The following SCUBE1 variants were observed in gnomAD, a reference collection of about 807,000 sequenced individuals.
SCUBE1 encodes signal peptide, CUB and EGF-like domain-containing protein 1.
A neutral mutation model predicts 124.4 loss-of-function variants in SCUBE1; 59 were observed. The ratio of observed to expected loss-of-function variants is 0.47; its 90% CI spans 0.38 to 0.59. SCUBE1 has a LOEUF of 0.59. SCUBE1 is among the 20% of genes least tolerant of loss of function. SCUBE1 has a pLI of 0.00. For synonymous variants in SCUBE1, 545 were observed against 550.9 expected, an observed-to-expected ratio of 0.99 and a Z score of 0.15; for missense variants, 1,150 against 1,371.2, an observed-to-expected ratio of 0.84 and a Z score of 2.55.
At position 43,279,443 on chromosome 22, in the gene SCUBE1, C is replaced by A. The variant is rs546415554; in HGVS notation, c.484+11603G>T. On this transcript the variant is annotated intron_variant, in intron 4 of 21. Transcript: ENST00000360835. Reference sequence around the variant, plus strand: ...AAGCCCACCACAGAGTAAGCATGTGCTACGGTCTGCATGATTGTGTCCCCT... The same window carrying A: ...AAGCCCACCACAGAGTAAGCATGTGATACGGTCTGCATGATTGTGTCCCCT... Among the ~76,000 whole-genome samples the A allele has an allele frequency of 6.6e-5, 10 of 152,336 alleles. No homozygotes were observed. The South Asian group carries it at 2.1e-3, about 32-fold the overall frequency.
intron 3 of SCUBE1, among the ~76,000 whole-genome samples, chr22:43,303,710 T>C (rs1190607786): frequency 6.6e-6 from 1 of 152,270 alleles, no homozygotes; most frequent in Non-Finnish European, 1.5e-5. Context: ...CATGGCTTCC[T>C]ATCACTTGAC....
At chr22:43,220,397 C>T in intron 14 of SCUBE1, 53 bp downstream of exon 14, 1 of 1,587,758 alleles carries the variant, frequency 6.3e-7, no homozygotes, top group East Asian at 2.3e-5. Context: ...GCGCCACCAG[C>T]CTGTCGTCCT....
In SCUBE1 at chr22:43,218,411, G is replaced by A; in HGVS notation, c.1735C>T (p.Gln579Ter). The A allele has an allele frequency of 1.9e-6, 3 of 1,613,210 alleles. No homozygotes were observed. Among genetic ancestry groups the A allele is most frequent in the Non-Finnish European group, 2.5e-6 (3 of 1,180,044 alleles). The change falls in exon 15 of 22, where the codon CAG becomes TAG. Residue 579 changes from glutamine (Q) to a stop codon, truncating the protein, a stop_gained. Transcript: ENST00000360835. LOFTEE classifies it high-confidence loss of function. The stretch of plus-strand genomic sequence containing the variant: ...TTGCGCAGGGTCTTGATGGCGGCCT[G>A]CAGGCTCTGTTCTGCTCGCTTCCGC... Reference protein sequence around the residue: ...CLRKRAEQSLQAAIKTLRKSI... With the variant: ...CLRKRAEQSL
At chr22:43,216,117 G>C (rs925981105) in intron 15 of SCUBE1, among the ~76,000 whole-genome samples, 4 of 151,986 alleles carry the variant, frequency 2.6e-5, no homozygotes, top group African/African-American at 9.7e-5. Flanking sequence ...TGTGATCTCA[G>C]CTCACTGCAA....
intron 5 of SCUBE1, among the ~76,000 whole-genome samples, chr22:43,261,732 C>T (rs1470747268): frequency 6.6e-6 from 1 of 152,230 alleles, no homozygotes; most frequent in Non-Finnish European, 1.5e-5. Context: ...TTCTCCCTAG[C>T]ATTTTTCTGC....
intron 3 of SCUBE1, among the ~76,000 whole-genome samples, chr22:43,305,445 G>T (rs1471684337): frequency 6.6e-6 from 1 of 152,298 alleles, no homozygotes. Flanking sequence ...CCTCTGCCCG[G>T]GGGGCTGGGG....
At chr22:43,312,436 A>T (rs1418695036) in intron 3 of SCUBE1, among the ~76,000 whole-genome samples, 1 of 152,174 alleles carries the variant, frequency 6.6e-6, no homozygotes, top group Non-Finnish European at 1.5e-5. Flanking sequence ...CTCTGCGGGT[A>T]CAGGGAAGGC....
chr22:43,320,942 T>C (rs1328333414), intron 2 of SCUBE1, among the ~76,000 whole-genome samples: 1 of 152,118 alleles, frequency 6.6e-6, no homozygotes, highest in Non-Finnish European at 1.5e-5. Flanking sequence ...CAGCGAGAAT[T>C]TGCCAGCCTG....
At chr22:43,273,649 T>C (rs1210515817) in intron 4 of SCUBE1, among the ~76,000 whole-genome samples, 1 of 131,142 alleles carries the variant, frequency 7.6e-6, no homozygotes, top group African/African-American at 2.8e-5. Context: ...CACAGCTCAC[T>C]GCAGCCTTGA....
intron 3 of SCUBE1, among the ~76,000 whole-genome samples, chr22:43,307,873 G>A (rs1214586405): frequency 1.3e-5 from 2 of 152,238 alleles, no homozygotes; most frequent in African/African-American, 4.8e-5. Flanking sequence ...AGGTCTCCCA[G>A]CAAGTCAGTG....
chr22:43,285,312 C>T (rs1158958612), intron 4 of SCUBE1, among the ~76,000 whole-genome samples: 1 of 152,230 alleles, frequency 6.6e-6, no homozygotes, highest in African/African-American at 2.4e-5. Context: ...CGCTGAACTG[C>T]TCACCACCCT....
At chr22:43,327,413 A>C (rs1926762271) in intron 2 of SCUBE1, among the ~76,000 whole-genome samples, 1 of 152,190 alleles carries the variant, frequency 6.6e-6, no homozygotes, top group East Asian at 1.9e-4. Context: ...GAGGTTTCCT[A>C]ACACTGGAAG....
At chr22:43,280,818 ATCC>A (rs199639162) in intron 4 of SCUBE1, among the ~76,000 whole-genome samples, 1,171 of 112,812 alleles carry the variant, frequency 0.01, 37 homozygotes, top group African/African-American at 0.03. Flanking sequence ...TCCCTCAGCC[ATCC>A]TCCTGTCACC....
chr22:43,320,845 G>T (rs1235216573), intron 2 of SCUBE1, among the ~76,000 whole-genome samples: 1 of 152,232 alleles, frequency 6.6e-6, no homozygotes, highest in Non-Finnish European at 1.5e-5. Flanking sequence ...AATGGGATTC[G>T]AATCCGTGGG....
intron 3 of SCUBE1, among the ~76,000 whole-genome samples, chr22:43,315,031 G>A (rs1353922969): frequency 6.6e-6 from 1 of 151,732 alleles, no homozygotes; most frequent in Non-Finnish European, 1.5e-5. Context: ...TTTTTTTAAT[G>A]TGATAACCCC....
In SCUBE1 at chr22:43,262,729, CCTT is replaced by C; in HGVS notation, c.598_600del (p.Lys200del). 1.2e-6 allele frequency: 2 copies of C among 1,614,084 alleles called. No homozygotes were observed. The highest frequency in any genetic ancestry group is 1.7e-6 in the Non-Finnish European group (2 of 1,179,962). ...GTCTCCCTCTACCTACGTGTGCAGT[CCTT>C]CTGGTTTTGGGCAAGGTCAAAGCCG... On this transcript the variant is annotated inframe_deletion, in exon 5 of 22. Transcript: ENST00000360835.
intron 1 of SCUBE1, among the ~76,000 whole-genome samples, chr22:43,340,592 G>T (rs924914546): frequency 2.0e-5 from 3 of 148,532 alleles, no homozygotes; most frequent in Non-Finnish European, 4.5e-5. Flanking sequence ...AGTCAGAGCT[G>T]TACCTATAAT....
intron 6 of SCUBE1, among the ~76,000 whole-genome samples, chr22:43,246,307 C>T (rs1007173615): frequency 6.6e-6 from 1 of 152,106 alleles, no homozygotes; most frequent in African/African-American, 2.4e-5. Context: ...CCACAGGAGG[C>T]ATCATGGCCG....
Position 43,246,292 on chromosome 22 carries a change from C to A in SCUBE1, c.728-7338G>T, listed in dbSNP as rs372303736. 4.2e-3 allele frequency among the ~76,000 whole-genome samples: 640 copies of A among 152,230 alleles called. 4 individuals carry two copies. The highest frequency in any genetic ancestry group is 0.015 in the African/African-American group (610 of 41,548). ...TCCCCTGTGGGTGGGATCCCTGGGGCCCACCCACAGGAGGCATCATGGCCG... is the reference window on the plus strand; with the variant it reads ...TCCCCTGTGGGTGGGATCCCTGGGGACCACCCACAGGAGGCATCATGGCCG... On this transcript the variant is annotated intron_variant, in intron 6 of 21. Coordinates refer to ENST00000360835, the MANE Select transcript of SCUBE1 (RefSeq NM_173050.5).
Sources: gnomAD v4.1 joint callset for allele counts (sites outside exome capture counted in the v4.1 genomes callset) on GRCh38, gnomAD v4.1.1 for gene constraint, MANE v1.5 for transcripts, NCBI Gene and HGNC (gene_info 2026-07-23, HGNC 2026-07-21) for gene names.